Variants in RAPGEF4 observed in about 807,000 individuals in gnomAD.
RAPGEF4 encodes RAP guanine-nucleotide-exchange factor (GEF) 4.
Under a neutral mutation model 147.9 loss-of-function variants are expected in RAPGEF4, and 66 were observed. The ratio of observed to expected loss-of-function variants is 0.45; its 90% CI spans 0.37 to 0.55. RAPGEF4 has a LOEUF of 0.55. Ranked by LOEUF, RAPGEF4 falls within the 20% of genes least tolerant of loss-of-function variation. The pLI, the probability that RAPGEF4 is intolerant of heterozygous loss-of-function variation, is 0.00. For synonymous variants in RAPGEF4, 419 were observed against 442.7 expected, an observed-to-expected ratio of 0.95 and a Z score of 0.67; for missense variants, 1,071 against 1,257.3, an observed-to-expected ratio of 0.85 and a Z score of 2.24.
chr2:172,785,105 G>A (rs1054307453), intron 1 of RAPGEF4, among the ~76,000 whole-genome samples: 4 of 152,208 alleles, frequency 2.6e-5, no homozygotes, highest in Non-Finnish European at 4.4e-5. Context: ...GATTACAGGC[G>A]TGAGCCACTG....
intron 1 of RAPGEF4, among the ~76,000 whole-genome samples, chr2:172,757,984 A>G (rs1011359906): frequency 3.9e-5 from 6 of 152,190 alleles, no homozygotes; most frequent in Non-Finnish European, 8.8e-5. Flanking sequence ...AATAAATTAT[A>G]TCTTATGTTT....
chr2:172,915,303 A>T (rs1021736052), intron 4 of RAPGEF4, among the ~76,000 whole-genome samples: 1 of 152,208 alleles, frequency 6.6e-6, no homozygotes, highest in Non-Finnish European at 1.5e-5. Context: ...GATATTATGG[A>T]TATATTACAT....
intron 4 of RAPGEF4, among the ~76,000 whole-genome samples, chr2:172,829,301 G>A (rs6715990): frequency 0.2 from 31,082 of 152,172 alleles, 3,686 homozygotes; most frequent in Middle Eastern, 0.31. Flanking sequence ...CTGTCAGGCC[G>A]GGGTTCTTGA....
chr2:173,037,098 T>G (rs1263682555), intron 29 of RAPGEF4, among the ~76,000 whole-genome samples: 1 of 152,252 alleles, frequency 6.6e-6, no homozygotes, highest in Non-Finnish European at 1.5e-5. Context: ...ATTCTACGCC[T>G]TTATTATAGA....
intron 6 of RAPGEF4, among the ~76,000 whole-genome samples, chr2:172,944,430 G>A (rs548187401): frequency 9.2e-4 from 140 of 152,282 alleles, no homozygotes; most frequent in Non-Finnish European, 1.7e-3. Context: ...GGTAAGCAGT[G>A]GAGTCCTCTT....
chr2:172,974,406 G>A (rs899075046), intron 10 of RAPGEF4, among the ~76,000 whole-genome samples: 5 of 152,136 alleles, frequency 3.3e-5, no homozygotes, highest in African/African-American at 1.2e-4. Flanking sequence ...TTACAAGGCT[G>A]GGTGTGGTGG....
chr2:172,867,325 A>G (rs1694764134), intron 4 of RAPGEF4, among the ~76,000 whole-genome samples: 1 of 152,218 alleles, frequency 6.6e-6, no homozygotes, highest in South Asian at 2.1e-4. Context: ...TATTTTGGAT[A>G]AATAAATCTA....
intron 1 of RAPGEF4, among the ~76,000 whole-genome samples, chr2:172,742,377 G>A (rs1289676859): frequency 6.6e-6 from 1 of 151,866 alleles, no homozygotes; most frequent in African/African-American, 2.4e-5. Context: ...CTGGGTTGTT[G>A]TTGTTTTTTT....
At chr2:172,834,015 G>T (rs1454915165) in intron 4 of RAPGEF4, among the ~76,000 whole-genome samples, 2 of 152,144 alleles carry the variant, frequency 1.3e-5, no homozygotes, top group African/African-American at 4.8e-5. Flanking sequence ...AAATTAGTTA[G>T]TTCTTGGATC....
At chr2:172,891,615 A>G (rs1697922896) in intron 4 of RAPGEF4, among the ~76,000 whole-genome samples, 1 of 152,184 alleles carries the variant, frequency 6.6e-6, no homozygotes. Context: ...GATCAGAGGC[A>G]GATGGAAGGG....
At chr2:172,756,886 C>T (rs1695830773) in intron 1 of RAPGEF4, among the ~76,000 whole-genome samples, 1 of 152,194 alleles carries the variant, frequency 6.6e-6, no homozygotes, top group Non-Finnish European at 1.5e-5. Flanking sequence ...ATATATCTGC[C>T]TGATGACTCT....
At chr2:173,014,813 G>A (rs144142375) in intron 18 of RAPGEF4, among the ~76,000 whole-genome samples, 199 bp downstream of exon 18, 328 of 152,262 alleles carry the variant, frequency 2.2e-3, no homozygotes, top group African/African-American at 6.9e-3. Flanking sequence ...TCCCTAATGG[G>A]TAGCATTTTC....
chr2:172,949,364 C>T, intron 6 of RAPGEF4, among the ~76,000 whole-genome samples: 1 of 152,118 alleles, frequency 6.6e-6, no homozygotes, highest in East Asian at 1.9e-4. Flanking sequence ...GAAATATTTA[C>T]TGTAATGGAG....
At chr2:172,883,201 A>G (rs1356494491) in intron 4 of RAPGEF4, among the ~76,000 whole-genome samples, 1 of 152,232 alleles carries the variant, frequency 6.6e-6, no homozygotes, top group Non-Finnish European at 1.5e-5. Flanking sequence ...TTTATAAAGA[A>G]CAGAGATTTC....
rs555020551 is a variant in RAPGEF4 at position 172,991,408 on chromosome 2, G to A, written c.1490+483G>A. Reference sequence around the variant, plus strand: ...ACAGTCTATTGATTTCAGCCCAGAAGCATCCATTTGGCCTCATTCATACTT... The same window carrying A: ...ACAGTCTATTGATTTCAGCCCAGAAACATCCATTTGGCCTCATTCATACTT... On this transcript the variant is annotated intron_variant, in intron 15 of 30. Coordinates refer to ENST00000397081, the MANE Select transcript of RAPGEF4 (RefSeq NM_007023.4). Among the ~76,000 whole-genome samples, 10 of 152,310 alleles carry A rather than the reference G, an allele frequency of 6.6e-5. No homozygotes were observed. In the South Asian group the frequency reaches 2.1e-3, roughly 32 times the overall value.
At position 173,036,232 on chromosome 2, in the gene RAPGEF4, C is replaced by T. The variant is rs754578362; in HGVS notation, c.2788+20C>T. 9.2e-6 allele frequency: 14 copies of T among 1,521,088 alleles called. No individual in the cohort carries two copies. Among genetic ancestry groups the T allele is most frequent in the African/African-American group, 4.1e-5 (3 of 72,806 alleles). The allele number at this position is 1,521,088 out of a possible 1,614,324, so 94.2% of individuals were successfully genotyped here. ...TTAAAGGTAATCCTAATAAGATGCA[C>T]AGGCCAAGCAGGTGATGAGTATTTG... On this transcript the variant is annotated intron_variant, in intron 28 of 30. Coordinates refer to ENST00000397081, the MANE Select transcript of RAPGEF4 (RefSeq NM_007023.4).
chr2:173,022,588 A>C (rs945485100), intron 23 of RAPGEF4, among the ~76,000 whole-genome samples: 5 of 152,160 alleles, frequency 3.3e-5, no homozygotes, highest in African/African-American at 1.2e-4. Context: ...CCATCCACAC[A>C]TGCTTCTGCA....
intron 15 of RAPGEF4, among the ~76,000 whole-genome samples, chr2:172,993,203 A>G (rs1693003298): frequency 6.6e-6 from 1 of 152,228 alleles, no homozygotes. Context: ...GATATTAAAA[A>G]TGTCAATAAT....
chr2:172,797,703 C>G, intron 3 of RAPGEF4, 90 bp downstream of exon 3: 1 of 992,312 alleles, frequency 1.0e-6, no homozygotes, highest in South Asian at 1.5e-5. Flanking sequence ...ATTACATTTT[C>G]AAGTCCATTT....
Sources: gnomAD v4.1 joint callset for allele counts (sites outside exome capture counted in the v4.1 genomes callset) on GRCh38, gnomAD v4.1.1 for gene constraint, MANE v1.5 for transcripts, NCBI Gene and HGNC (gene_info 2026-07-23, HGNC 2026-07-21) for gene names.